The following SRPK1 variants were observed in gnomAD, a reference collection of about 807,000 sequenced individuals.
SRPK1 encodes SRSF protein kinase 1.
SRPK1 carries 52 observed loss-of-function variants against 89.5 expected under a neutral mutation model. The observed-to-expected ratio is 0.58, with a 90% CI of 0.46 to 0.73. The LOEUF (loss-of-function observed/expected upper bound fraction) is 0.73, where lower values mean the gene tolerates loss of function less well. SRPK1 is among the 30% of genes least tolerant of loss of function. SRPK1 has a pLI of 0.00. For missense variants in SRPK1, 603 were observed against 780.6 expected (o/e 0.77, Z 2.71); for synonymous variants, 255 against 270.2 (o/e 0.94, Z 0.55).
Position 35,847,725 on chromosome 6 carries a change from TA to T in SRPK1, c.1621-5122del, listed in dbSNP as rs202234004. Among the ~76,000 whole-genome samples, 580 of 151,784 alleles carry T rather than the reference TA, an allele frequency of 3.8e-3. 2 individuals carry two copies. The highest frequency in any genetic ancestry group is 0.013 in the African/African-American group (545 of 41,402). ...TTAGAAACATATTTAACCATGGAGG[TA>T]AAAGACCTGTACACTGAAAACTATA... is the stretch of plus-strand genomic sequence containing the variant. On this transcript the variant is annotated intron_variant, in intron 13 of 15. Coordinates refer to ENST00000373825, the MANE Select transcript of SRPK1 (RefSeq NM_003137.5).
chr6:35,872,286 T>C (rs889306746), intron 8 of SRPK1, among the ~76,000 whole-genome samples: 1 of 152,208 alleles, frequency 6.6e-6, no homozygotes, highest in Non-Finnish European at 1.5e-5. Flanking sequence ...TGATCACAGT[T>C]AGAGGTAAAC....
chr6:35,869,972 A>C, intron 10 of SRPK1, 71 bp from the exon 11 acceptor site: 1 of 1,450,514 alleles, frequency 6.9e-7, no homozygotes, highest in Non-Finnish European at 9.2e-7. Context: ...CATTTCTCAC[A>C]AGATTAAAAC....
At chr6:35,902,370 G>A (rs374747704) in intron 2 of SRPK1, among the ~76,000 whole-genome samples, 35 of 151,864 alleles carry the variant, frequency 2.3e-4, no homozygotes, top group African/African-American at 6.8e-4. Context: ...CTATGATCAC[G>A]CCACTGCACT....
At chr6:35,853,266 A>T (rs1769594843) in intron 13 of SRPK1, among the ~76,000 whole-genome samples, 1 of 152,100 alleles carries the variant, frequency 6.6e-6, no homozygotes, top group African/African-American at 2.4e-5. Context: ...GCAAGACCCC[A>T]TCCCTAAAAA....
intron 12 of SRPK1, among the ~76,000 whole-genome samples, chr6:35,866,995 C>T (rs1229833767): frequency 6.6e-6 from 1 of 152,072 alleles, no homozygotes; most frequent in African/African-American, 2.4e-5. Flanking sequence ...GAATGATCGA[C>T]AATGAAGACT....
chr6:35,904,274 A>C (rs1386332441), intron 2 of SRPK1, among the ~76,000 whole-genome samples: 1 of 152,168 alleles, frequency 6.6e-6, no homozygotes, highest in Non-Finnish European at 1.5e-5. Flanking sequence ...TGGTCTTCAC[A>C]GCTGATCTTT....
At chr6:35,887,480 C>G (rs1770435418) in intron 5 of SRPK1, among the ~76,000 whole-genome samples, 1 of 152,118 alleles carries the variant, frequency 6.6e-6, no homozygotes, top group Non-Finnish European at 1.5e-5. Context: ...GGGGTAAAGG[C>G]GACCTAAACC....
At position 35,869,899 on chromosome 6, in the gene SRPK1, C is replaced by A; in HGVS notation, c.994G>T (p.Glu332Ter). Residue 332 changes from glutamate (E) to a stop codon, truncating the protein, a stop_gained and splice_region_variant, in exon 11 of 16, where the codon GAG (glutamate) becomes TAG (stop). Transcript: ENST00000373825. LOFTEE classifies it high-confidence loss of function. Reference protein sequence around the residue: ...PNKMTQEKLEESSTIGQDQTL... With the variant: ...PNKMTQEKLE ...TGATCCTGGCCAATGGTACTTGACTCTTCTAAGGAACAAACGAACAAAAAA... is the reference window on the plus strand; with the variant it reads ...TGATCCTGGCCAATGGTACTTGACTATTCTAAGGAACAAACGAACAAAAAA... 1 of 1,547,238 alleles carries A rather than the reference C, an allele frequency of 6.5e-7. No homozygotes were observed. Among genetic ancestry groups the A allele is most frequent in the South Asian group, 1.2e-5 (1 of 80,168 alleles).
chr6:35,867,351 G>A (rs1352690371), intron 12 of SRPK1, among the ~76,000 whole-genome samples: 1 of 152,142 alleles, frequency 6.6e-6, no homozygotes, highest in Non-Finnish European at 1.5e-5. Context: ...ATTAGTCAGT[G>A]CTAAGCTGGC....
At chr6:35,887,726 A>G in intron 5 of SRPK1, 1 of 238,614 alleles carries the variant, frequency 4.2e-6, no homozygotes. Flanking sequence ...AAAAAAAAAC[A>G]TTATGACAGT....
At position 35,920,587 on chromosome 6, in the gene SRPK1, A is replaced by G. The variant is rs1771213333; in HGVS notation, c.14-59T>C. The G allele has an allele frequency of 1.9e-6, 3 of 1,564,896 alleles. No homozygotes were observed. In the Admixed American group the frequency reaches 5.1e-5, roughly 26 times the overall value. ...TGGAGGAAAGGAGGCGACCAAGGTG[A>G]GGGTGGAGACCCAGCAGGGGCGCCA... On this transcript the variant is annotated intron_variant, in intron 1 of 15. Coordinates refer to ENST00000373825, the MANE Select transcript of SRPK1 (RefSeq NM_003137.5).
chr6:35,900,124 A>G (rs1770711237), intron 2 of SRPK1, among the ~76,000 whole-genome samples: 1 of 152,198 alleles, frequency 6.6e-6, no homozygotes. Context: ...TAATAGTTAC[A>G]GCAAAGGTCT....
rs147568436 is a variant in SRPK1, at chr6:35,905,695, T to C, written c.75-14682A>G. 2.6e-5 allele frequency among the ~76,000 whole-genome samples: 4 copies of C among 152,304 alleles called. No individual in the cohort carries two copies. The East Asian group carries it at 7.7e-4, about 29-fold the overall frequency. ...TTCTTTAGTAATCATATTGTTGGGGTAGTGCTGGAATTGTAATTCTAAGAC... is the reference window on the plus strand; with the variant it reads ...TTCTTTAGTAATCATATTGTTGGGGCAGTGCTGGAATTGTAATTCTAAGAC... On this transcript the variant is annotated intron_variant, in intron 2 of 15. Coordinates refer to ENST00000373825, the MANE Select transcript of SRPK1 (RefSeq NM_003137.5).
intron 13 of SRPK1, among the ~76,000 whole-genome samples, chr6:35,847,700 T>C (rs1409431560): frequency 6.6e-6 from 1 of 152,032 alleles, no homozygotes; most frequent in Non-Finnish European, 1.5e-5. Context: ...AAAAAAATAC[T>C]TAGAAACATA....
intron 2 of SRPK1, among the ~76,000 whole-genome samples, chr6:35,904,549 C>T (rs1332906405): frequency 6.6e-6 from 1 of 152,026 alleles, no homozygotes; most frequent in Non-Finnish European, 1.5e-5. Context: ...GCCTGTAATC[C>T]CAGCACTTTG....
chr6:35,836,181 C>T (rs1486131164), intron 15 of SRPK1, among the ~76,000 whole-genome samples: 3 of 152,068 alleles, frequency 2.0e-5, no homozygotes, highest in Non-Finnish European at 4.4e-5. Flanking sequence ...CTCACAGGAG[C>T]GTGAATCCTA....
intron 6 of SRPK1, among the ~76,000 whole-genome samples, chr6:35,885,976 A>G (rs1449495181): frequency 6.6e-6 from 1 of 152,216 alleles, no homozygotes; most frequent in Non-Finnish European, 1.5e-5. Context: ...GCCTCTTCAA[A>G]GTTGAGGCTT....
intron 2 of SRPK1, among the ~76,000 whole-genome samples, chr6:35,899,364 G>C (rs1201234709): frequency 3.3e-5 from 5 of 151,978 alleles, no homozygotes; most frequent in Admixed American, 3.3e-4. Flanking sequence ...TTTCCTATAT[G>C]AAACAGCAGT....
At chr6:35,872,807 T>TAA (rs34797772) in intron 7 of SRPK1, 79 bp from the exon 8 acceptor site, 558 of 992,036 alleles carry the variant, frequency 5.6e-4, no homozygotes, top group South Asian at 1.3e-3. Flanking sequence ...AACATGACAT[T>TAA]AAAAAAAAAA....
Sources: gnomAD v4.1 joint callset for allele counts (sites outside exome capture counted in the v4.1 genomes callset) on GRCh38, gnomAD v4.1.1 for gene constraint, MANE v1.5 for transcripts, NCBI Gene and HGNC (gene_info 2026-07-23, HGNC 2026-07-21) for gene names.